OR1J2: variants seen among roughly 807,000 people sequenced by gnomAD.
The protein encoded by OR1J2 is olfactory receptor family 1 subfamily J member 2.
For missense variants in OR1J2, 304 were observed against 246.1 expected (o/e 1.24, Z -1.57); for synonymous variants, 142 against 99.7 (o/e 1.42, Z -2.52).
downstream of OR1J2, among the ~76,000 whole-genome samples, chr9:122,515,630 A>G (rs558420554): frequency 4.2e-4 from 64 of 152,210 alleles, no homozygotes; most frequent in Non-Finnish European, 7.6e-4. Context: ...GGGCTTATTT[A>G]CTGCATACAG....
the OR1J2 span, among the ~76,000 whole-genome samples, chr9:122,560,752 C>T: frequency 2.0e-5 from 3 of 152,062 alleles, no homozygotes; most frequent in South Asian, 2.1e-4. Flanking sequence ...GTCTGGCTGC[C>T]CTTAACATTT....
At chr9:122,573,498 A>G in the OR1J2 span, among the ~76,000 whole-genome samples, 2 of 152,210 alleles carry the variant, frequency 1.3e-5, no homozygotes, top group Admixed American at 1.3e-4. Flanking sequence ...AGATGACATG[A>G]GATGGAGCAT....
At chr9:122,571,132 T>G in the OR1J2 span, among the ~76,000 whole-genome samples, 1 of 152,298 alleles carries the variant, frequency 6.6e-6, no homozygotes, top group Admixed American at 6.5e-5. Flanking sequence ...ACAAACTTTC[T>G]TGTCCCATGT....
chr9:122,523,114 G>A, the OR1J2 span, among the ~76,000 whole-genome samples: 5 of 152,170 alleles, frequency 3.3e-5, no homozygotes, highest in Admixed American at 2.0e-4. Flanking sequence ...GCTTTACAGG[G>A]GAAGTAATTC....
At chr9:122,568,793 C>G in the OR1J2 span, 1 of 232,904 alleles carries the variant, frequency 4.3e-6, no homozygotes, top group Non-Finnish European at 8.3e-6. Context: ...ATTCACCTGC[C>G]GGGGACATAG....
chr9:122,512,063 A>G (rs182851190), downstream of OR1J2, among the ~76,000 whole-genome samples: 38 of 152,324 alleles, frequency 2.5e-4, no homozygotes, highest in Admixed American at 2.3e-3. Context: ...TTTTTGGCCT[A>G]TAATCCCAGG....
the OR1J2 span, among the ~76,000 whole-genome samples, chr9:122,574,034 C>T: frequency 2.0e-5 from 3 of 152,072 alleles, no homozygotes; most frequent in Non-Finnish European, 2.9e-5. Flanking sequence ...AAGATAGTTG[C>T]GTGGGTCTAT....
chr9:122,575,641 A>G, the OR1J2 span, among the ~76,000 whole-genome samples: 3 of 152,082 alleles, frequency 2.0e-5, no homozygotes, highest in Non-Finnish European at 4.4e-5. Context: ...ACTAAATTTT[A>G]TTGTATATAT....
At chr9:122,526,630 C>G in the OR1J2 span, 59 of 1,614,044 alleles carry the variant, frequency 3.7e-5, no homozygotes, top group Non-Finnish European at 4.6e-5. Flanking sequence ...CTCAGGATAG[C>G]TGGCACAATG....
At chr9:122,567,903 G>A in the OR1J2 span, 4 of 1,614,030 alleles carry the variant, frequency 2.5e-6, no homozygotes, top group African/African-American at 4.0e-5. Context: ...GACAAATATG[G>A]AAGAGCAGGA....
the OR1J2 span, chr9:122,477,309 G>C: frequency 6.2e-7 from 1 of 1,614,158 alleles, no homozygotes; most frequent in Non-Finnish European, 8.5e-7. Flanking sequence ...GAAGCATAAT[G>C]GCTGTCAATG....
the OR1J2 span, among the ~76,000 whole-genome samples, chr9:122,476,228 A>G: frequency 1.2e-4 from 19 of 152,222 alleles, no homozygotes; most frequent in Non-Finnish European, 2.5e-4. Context: ...AAGGAGTGAG[A>G]AATGTCATAT....
Position 122,511,613 on chromosome 9 carries a change from A to T in OR1J2, c.812A>T (p.Asp271Val), listed in dbSNP as rs771506738. 1.3e-6 allele frequency: 1 copy of T among 780,868 alleles called. No individual in the cohort carries two copies. Among genetic ancestry groups the T allele is most frequent in the Non-Finnish European group, 2.4e-6 (1 of 418,138 alleles). The allele number at this position is 780,868 out of a possible 1,614,324, so 48.4% of individuals were successfully genotyped here. The change falls in exon 1 of 1, where the codon GAT (aspartate) becomes GTT (valine). Residue 271 changes from aspartate to valine, a missense_variant. Transcript: ENST00000335302. Reference sequence around the variant, plus strand: ...ACTGTAAGCAGTTCTATTGACAAGGATGTCATTGTGGCTCTCATGTACACG... The same window carrying T: ...ACTGTAAGCAGTTCTATTGACAAGGTTGTCATTGTGGCTCTCATGTACACG... ...FPTVSSSIDK[D>V]VIVALMYTVV...
chr9:122,576,540 T>C, the OR1J2 span, among the ~76,000 whole-genome samples: 2 of 152,224 alleles, frequency 1.3e-5, no homozygotes, highest in Non-Finnish European at 2.9e-5. Flanking sequence ...CAGCCAACAT[T>C]TTCTTTATAT....
the OR1J2 span, among the ~76,000 whole-genome samples, chr9:122,473,860 C>A: frequency 3.9e-5 from 6 of 152,188 alleles, no homozygotes; most frequent in Non-Finnish European, 8.8e-5. Context: ...GGAATTCTTG[C>A]AGACTTCACT....
chr9:122,467,677 CTTA>C, the OR1J2 span, among the ~76,000 whole-genome samples: 1 of 152,174 alleles, frequency 6.6e-6, no homozygotes, highest in Non-Finnish European at 1.5e-5. Flanking sequence ...AGGTATTAAA[CTTA>C]TTATAAAAGA....
At chr9:122,551,683 A>G in the OR1J2 span, among the ~76,000 whole-genome samples, 1 of 152,046 alleles carries the variant, frequency 6.6e-6, no homozygotes, top group Non-Finnish European at 1.5e-5. Flanking sequence ...TGGGAAAGAG[A>G]GGTCCTCAGC....
the OR1J2 span, chr9:122,568,263 A>G: frequency 1.9e-6 from 3 of 1,613,968 alleles, no homozygotes; most frequent in South Asian, 1.1e-5. Context: ...TGTAAAGCAA[A>G]TATCAGTGAG....
chr9:122,484,459 G>A, the OR1J2 span, among the ~76,000 whole-genome samples: 3 of 151,992 alleles, frequency 2.0e-5, no homozygotes, highest in East Asian at 1.9e-4. Context: ...TGCGCCTGGC[G>A]AATAATTTTT....
Sources: gnomAD v4.1 joint callset for allele counts (sites outside exome capture counted in the v4.1 genomes callset) on GRCh38, gnomAD v4.1.1 for gene constraint, MANE v1.5 for transcripts, NCBI Gene and HGNC (gene_info 2026-07-23, HGNC 2026-07-21) for gene names.